CNTNAP2: variants seen among roughly 807,000 people sequenced by gnomAD.
CNTNAP2 encodes the protein contactin-associated protein-like 2.
Under a neutral mutation model 155.2 loss-of-function variants are expected in CNTNAP2, and 98 were observed. The ratio of observed to expected loss-of-function variants is 0.63; its 90% CI spans 0.54 to 0.75. The LOEUF is 0.75. CNTNAP2 is among the 30% of genes least tolerant of loss of function. The pLI, the probability that CNTNAP2 is intolerant of heterozygous loss-of-function variation, is 0.00. For synonymous variants in CNTNAP2, 651 were observed against 631.2 expected (o/e 1.03, Z -0.47); for missense variants, 1,727 against 1,688.1 (o/e 1.02, Z -0.40).
At chr7:147,913,299 T>G (rs1025437118) in intron 14 of CNTNAP2, among the ~76,000 whole-genome samples, 2 of 152,216 alleles carry the variant, frequency 1.3e-5, no homozygotes, top group African/African-American at 4.8e-5. Context: ...AATATTCCAT[T>G]TTAATTCCTG....
chr7:147,613,731 T>G (rs1184459439), intron 12 of CNTNAP2, among the ~76,000 whole-genome samples: 5 of 152,050 alleles, frequency 3.3e-5, no homozygotes, highest in Non-Finnish European at 4.4e-5. Flanking sequence ...TAATCCCAGC[T>G]ACTTGGGAGG....
intron 21 of CNTNAP2, among the ~76,000 whole-genome samples, chr7:148,334,926 C>A (rs1456331459): frequency 6.6e-6 from 1 of 152,158 alleles, no homozygotes; most frequent in African/African-American, 2.4e-5. Context: ...GTTTGCAGAT[C>A]CTACCAATGA....
At chr7:146,731,324 C>T (rs1378767931) in intron 1 of CNTNAP2, among the ~76,000 whole-genome samples, 1 of 151,990 alleles carries the variant, frequency 6.6e-6, no homozygotes, top group African/African-American at 2.4e-5. Flanking sequence ...GGCTATGAAA[C>T]ACATCACGTG....
Position 147,181,975 on chromosome 7 carries a change from A to G in CNTNAP2, c.1348+49466A>G, listed in dbSNP as rs530715730. On this transcript the variant is annotated intron_variant, in intron 8 of 23. Coordinates refer to ENST00000361727, the MANE Select transcript of CNTNAP2 (RefSeq NM_014141.6). Reference sequence around the variant, plus strand: ...CCCCGTCCATACTAAAAATACAAAAATTAGCTGGGCATGGTGGCATGCACC... The same window carrying G: ...CCCCGTCCATACTAAAAATACAAAAGTTAGCTGGGCATGGTGGCATGCACC... Among the ~76,000 whole-genome samples the G allele has an allele frequency of 2.0e-4, 31 of 152,066 alleles. No individual in the cohort carries two copies. The South Asian group carries it at 5.0e-3, about 24-fold the overall frequency.
chr7:147,760,628 T>C (rs1797284297), intron 13 of CNTNAP2, among the ~76,000 whole-genome samples: 1 of 152,230 alleles, frequency 6.6e-6, no homozygotes, highest in African/African-American at 2.4e-5. Context: ...CCTGGCCTTC[T>C]GCTCCTTAGA....
chr7:147,679,832 A>G (rs1045981105), intron 13 of CNTNAP2, among the ~76,000 whole-genome samples: 1 of 152,002 alleles, frequency 6.6e-6, no homozygotes, highest in African/African-American at 2.4e-5. Context: ...ATATAGATAC[A>G]GAACTCCTTA....
At chr7:148,029,248 A>T (rs1263882775) in intron 15 of CNTNAP2, among the ~76,000 whole-genome samples, 1 of 152,204 alleles carries the variant, frequency 6.6e-6, no homozygotes, top group Non-Finnish European at 1.5e-5. Context: ...CCAAAGTTCT[A>T]TGCTTAATGT....
chr7:146,535,408 G>C (rs1385409098), intron 1 of CNTNAP2, among the ~76,000 whole-genome samples: 1 of 45,210 alleles, frequency 2.2e-5, no homozygotes, highest in Non-Finnish European at 3.5e-5. Context: ...TATTATATAT[G>C]ATATAATATA....
intron 3 of CNTNAP2, among the ~76,000 whole-genome samples, chr7:146,942,725 A>G (rs1053839796): frequency 1.3e-5 from 2 of 152,166 alleles, no homozygotes; most frequent in Admixed American, 6.5e-5. Flanking sequence ...TTACCTATTG[A>G]CTGAGAATCA....
intron 21 of CNTNAP2, among the ~76,000 whole-genome samples, chr7:148,339,982 T>A (rs1384472750): frequency 7.0e-6 from 1 of 141,948 alleles, no homozygotes; most frequent in African/African-American, 2.8e-5. Context: ...GCAGTGTGTG[T>A]GTGTGTGTGT....
rs1804517082 is a variant in CNTNAP2, at chr7:148,118,185, G to T, written c.2451G>T (p.Gly817=). ...ACCTGCACTTCTCTACTTTCCAAGG[G>T]GAAACTAGCGCTGACATTTCTTTCT... ...SSYLHFSTFQ[G]ETSADISFYF... is the part of the protein sequence containing the mutation. Residue 817 remains glycine, a synonymous_variant, in exon 16 of 24, where the codon GGG becomes GGT. Coordinates refer to ENST00000361727, the MANE Select transcript of CNTNAP2 (RefSeq NM_014141.6). 6.2e-7 allele frequency: 1 copy of T among 1,614,034 alleles called. No homozygotes were observed. Among genetic ancestry groups the T allele is most frequent in the Non-Finnish European group, 8.5e-7 (1 of 1,180,042 alleles).
At chr7:146,687,076 G>A (rs1800613670) in intron 1 of CNTNAP2, among the ~76,000 whole-genome samples, 1 of 152,086 alleles carries the variant, frequency 6.6e-6, no homozygotes, top group Non-Finnish European at 1.5e-5. Flanking sequence ...CTATTATTGT[G>A]TCATTGAATC....
At chr7:147,315,032 G>A (rs1795200112) in intron 9 of CNTNAP2, among the ~76,000 whole-genome samples, 3 of 147,458 alleles carry the variant, frequency 2.0e-5, no homozygotes, top group African/African-American at 7.5e-5. Flanking sequence ...CAGAGATTTT[G>A]TGTGTTTGCT....
At chr7:146,121,373 A>G (rs1235296953) in intron 1 of CNTNAP2, among the ~76,000 whole-genome samples, 2 of 152,038 alleles carry the variant, frequency 1.3e-5, no homozygotes. Flanking sequence ...TGTTTTTAAA[A>G]AGTAGATTTT....
intron 12 of CNTNAP2, among the ~76,000 whole-genome samples, chr7:147,636,303 G>A (rs761985694): frequency 2.0e-5 from 3 of 152,164 alleles, no homozygotes; most frequent in Non-Finnish European, 4.4e-5. Flanking sequence ...GGGGTTTAGA[G>A]CCTAGAAGAT....
chr7:148,340,183 T>C (rs992610632), intron 21 of CNTNAP2, among the ~76,000 whole-genome samples: 2 of 152,218 alleles, frequency 1.3e-5, no homozygotes, highest in African/African-American at 4.8e-5. Flanking sequence ...ACATTATAGA[T>C]ACTAATCAGT....
intron 1 of CNTNAP2, among the ~76,000 whole-genome samples, chr7:146,517,143 G>A (rs1797553341): frequency 6.6e-6 from 1 of 151,962 alleles, no homozygotes; most frequent in South Asian, 2.1e-4. Context: ...TTTGTTCAGT[G>A]TATCCACACT....
At position 148,317,719 on chromosome 7, in the gene CNTNAP2, T is replaced by C. The variant is rs576842174; in HGVS notation, c.3475+50593T>C. Among the ~76,000 whole-genome samples, 6 of 151,996 alleles carry C rather than the reference T, an allele frequency of 3.9e-5. 1 individual carries two copies. The South Asian group carries it at 1.0e-3, about 26-fold the overall frequency. On this transcript the variant is annotated intron_variant, in intron 21 of 23. Coordinates refer to ENST00000361727, the MANE Select transcript of CNTNAP2 (RefSeq NM_014141.6). ...CCTGAGCTCATTTCTTTTTTTTTTTTAGACGGAGTCTTGCTCTTTCGCCCA... is the reference window on the plus strand; with the variant it reads ...CCTGAGCTCATTTCTTTTTTTTTTTCAGACGGAGTCTTGCTCTTTCGCCCA...
chr7:148,386,795 C>T (rs1251866865), intron 22 of CNTNAP2, among the ~76,000 whole-genome samples: 1 of 151,858 alleles, frequency 6.6e-6, no homozygotes, highest in Non-Finnish European at 1.5e-5. Flanking sequence ...GGCAGGGGGA[C>T]CTTATTTATA....
Sources: gnomAD v4.1 joint callset for allele counts (sites outside exome capture counted in the v4.1 genomes callset) on GRCh38, gnomAD v4.1.1 for gene constraint, MANE v1.5 for transcripts, NCBI Gene and HGNC (gene_info 2026-07-23, HGNC 2026-07-21) for gene names.